CLVS1: variants seen among roughly 807,000 people sequenced by gnomAD.
CLVS1 encodes the protein clavesin 1.
In CLVS1, 10 loss-of-function variants were observed where a neutral mutation model predicts 33.1. That is an observed-to-expected ratio of 0.30 (90% CI 0.19 to 0.51). The LOEUF (loss-of-function observed/expected upper bound fraction) is 0.51. Ranked by LOEUF, CLVS1 falls within the 20% of genes least tolerant of loss-of-function variation. CLVS1 has a pLI of 0.97. For missense variants in CLVS1, 343 were observed against 433.4 expected (o/e 0.79, Z 1.85); for synonymous variants, 163 against 166.1 (o/e 0.98, Z 0.14).
chr8:61,422,947 C>T (rs547254531), intron 3 of CLVS1, among the ~76,000 whole-genome samples: 8 of 152,246 alleles, frequency 5.3e-5, no homozygotes, highest in Non-Finnish European at 7.4e-5. Context: ...GACTGTGCTC[C>T]GGGTGGGAAA....
intron 5 of CLVS1, among the ~76,000 whole-genome samples, chr8:61,474,958 C>T (rs967541291): frequency 5.9e-5 from 9 of 152,316 alleles, no homozygotes; most frequent in East Asian, 1.9e-4. Context: ...GCCCTCACCC[C>T]ACAACAGGCC....
intron 3 of CLVS1, among the ~76,000 whole-genome samples, chr8:61,420,342 G>A (rs1815606853): frequency 6.6e-6 from 1 of 152,216 alleles, no homozygotes; most frequent in Non-Finnish European, 1.5e-5. Flanking sequence ...GCTCACGCCT[G>A]TAATCCCAGC....
chr8:61,216,263 T>C (rs547364661), intron 2 of CLVS1, among the ~76,000 whole-genome samples: 1 of 152,318 alleles, frequency 6.6e-6, no homozygotes, highest in East Asian at 1.9e-4. Context: ...AAAAACTGGA[T>C]GCTGAGGGAA....
At chr8:61,484,302 G>C (rs1043885380) in intron 5 of CLVS1, among the ~76,000 whole-genome samples, 3 of 152,062 alleles carry the variant, frequency 2.0e-5, no homozygotes, top group African/African-American at 7.2e-5. Flanking sequence ...ACCAATAACA[G>C]ACAAACAGAG....
At chr8:61,335,912 C>T (rs193150075) in intron 2 of CLVS1, among the ~76,000 whole-genome samples, 13 of 152,250 alleles carry the variant, frequency 8.5e-5, no homozygotes, top group African/African-American at 3.1e-4. Flanking sequence ...ACTTGTTCAT[C>T]AGAATTTAAT....
chr8:61,299,702 T>C lies in CLVS1; in HGVS notation c.-126T>C. The C allele has an allele frequency of 1.5e-6, 1 of 656,010 alleles. No individual in the cohort carries two copies. Among genetic ancestry groups the C allele is most frequent in the Non-Finnish European group, 2.6e-6 (1 of 385,796 alleles). The allele number at this position is 656,010 out of a possible 1,614,324, so 40.6% of individuals were successfully genotyped here. A position where few individuals can be genotyped will look rare whatever the true frequency, so the allele number is the denominator to read the frequency against. On this transcript the variant is annotated 5_prime_UTR_variant, in exon 2 of 6. Transcript: ENST00000325897. ...TAAGCAATGGCCTCAGTTTTGCTTC[T>C]GTTTTGGATGAACACCACCACATAG...
At chr8:61,377,959 T>C (rs1813712391) in intron 3 of CLVS1, 1 of 152,202 alleles carries the variant, frequency 6.6e-6, no homozygotes, top group African/African-American at 2.4e-5. Context: ...GCATCCTGCC[T>C]TGCCTAATCA....
chr8:61,433,379 A>G (rs762694152), intron 3 of CLVS1, among the ~76,000 whole-genome samples: 1 of 152,200 alleles, frequency 6.6e-6, no homozygotes, highest in Non-Finnish European at 1.5e-5. Context: ...CATTTTACAT[A>G]CAATAAAGTA....
intron 5 of CLVS1, among the ~76,000 whole-genome samples, chr8:61,494,936 G>A (rs1026173599): frequency 1.3e-5 from 2 of 152,170 alleles, no homozygotes; most frequent in African/African-American, 4.8e-5. Flanking sequence ...CAGGGAAAAT[G>A]TAAACCAGGA....
the CLVS1 span, among the ~76,000 whole-genome samples, chr8:60,984,211 G>A: frequency 1.3e-5 from 2 of 151,912 alleles, no homozygotes; most frequent in African/African-American, 4.8e-5. Context: ...GTAGCTTCTT[G>A]TCCCAGTATT....
At position 61,435,793 on chromosome 8, in the gene CLVS1, A is replaced by G. The variant is rs1038627280; in HGVS notation, c.631-18348A>G. ...AATAAAGGCAGAAAATTTTATTTTT[A>G]TTATTGTCATTTTACAGTCAATTTT... On this transcript the variant is annotated intron_variant, in intron 3 of 5. Transcript: ENST00000325897. 3.3e-5 allele frequency among the ~76,000 whole-genome samples: 5 copies of G among 152,300 alleles called. No homozygotes were observed. In the East Asian group the frequency reaches 9.6e-4, roughly 29 times the overall value.
chr8:61,160,955 T>C (rs1184831667), intron 2 of CLVS1, among the ~76,000 whole-genome samples: 1 of 152,160 alleles, frequency 6.6e-6, no homozygotes, highest in African/African-American at 2.4e-5. Context: ...ATCCAAGATA[T>C]ATAAGTGACC....
At chr8:61,452,416 C>A (rs553189630) in intron 3 of CLVS1, among the ~76,000 whole-genome samples, 1 of 152,144 alleles carries the variant, frequency 6.6e-6, no homozygotes, top group African/African-American at 2.4e-5. Context: ...TCTTCTGTCA[C>A]CCCTCAGAAC....
chr8:61,162,054 C>CTG (rs201924979), intron 2 of CLVS1, among the ~76,000 whole-genome samples: 2,508 of 152,110 alleles, frequency 0.016, 30 homozygotes, highest in African/African-American at 0.024. Context: ...ATAGCAAGAG[C>CTG]TGTTTGAAAG....
chr8:61,120,688 G>T (rs1006570616), intron 1 of CLVS1, among the ~76,000 whole-genome samples: 1 of 141,352 alleles, frequency 7.1e-6, no homozygotes, highest in Non-Finnish European at 1.5e-5. Context: ...GCTGCTCAGG[G>T]GTCAGGGGTC....
chr8:61,403,764 G>C (rs1814865230), intron 3 of CLVS1, among the ~76,000 whole-genome samples: 1 of 152,182 alleles, frequency 6.6e-6, no homozygotes, highest in African/African-American at 2.4e-5. Context: ...AATATTCCAA[G>C]TGGAAGACTT....
chr8:60,996,102 TG>T, the CLVS1 span, among the ~76,000 whole-genome samples: 2,487 of 152,324 alleles, frequency 0.016, 78 homozygotes, highest in African/African-American at 0.056. Flanking sequence ...GCATGGCACA[TG>T]TATACATATG....
chr8:61,100,879 C>G (rs1386564353), intron 1 of CLVS1, among the ~76,000 whole-genome samples: 1 of 152,070 alleles, frequency 6.6e-6, no homozygotes, highest in Admixed American at 6.6e-5. Flanking sequence ...GAAGGTTGAT[C>G]CATGGTGTAG....
chr8:61,351,448 G>A (rs79134451), intron 2 of CLVS1, among the ~76,000 whole-genome samples: 2,271 of 152,046 alleles, frequency 0.015, 50 homozygotes, highest in African/African-American at 0.052. Flanking sequence ...GGCTCCTGTG[G>A]GACAATGTCA....
Sources: gnomAD v4.1 joint callset for allele counts (sites outside exome capture counted in the v4.1 genomes callset) on GRCh38, gnomAD v4.1.1 for gene constraint, MANE v1.5 for transcripts, NCBI Gene and HGNC (gene_info 2026-07-23, HGNC 2026-07-21) for gene names.